Variants in RPTOR observed in about 807,000 individuals in gnomAD.
The protein encoded by RPTOR is regulatory associated protein of MTOR complex 1, also known as regulatory-associated protein of mTOR.
In RPTOR, 21 loss-of-function variants were observed where a neutral mutation model predicts 169.9. The observed-to-expected ratio is 0.12, with a 90% confidence interval of 0.09 to 0.18. The LOEUF is 0.18. Ranked by LOEUF, RPTOR falls within the 10% of genes least tolerant of loss-of-function variation. RPTOR has a pLI of 1.00. For missense variants in RPTOR, 1,133 were observed against 1,855.9 expected (o/e 0.61, Z 7.16); for synonymous variants, 732 against 753.2 (o/e 0.97, Z 0.46).
chr17:80,703,106 G>A (rs994513797), intron 3 of RPTOR, among the ~76,000 whole-genome samples: 3 of 152,116 alleles, frequency 2.0e-5, no homozygotes, highest in African/African-American at 4.8e-5. Context: ...ATTTTGGGGT[G>A]CCTTATCTTT....
chr17:80,675,032 G>C (rs1013983648), intron 3 of RPTOR, among the ~76,000 whole-genome samples: 3 of 152,186 alleles, frequency 2.0e-5, no homozygotes, highest in Non-Finnish European at 4.4e-5. Context: ...GTGAGAAGCT[G>C]TGAGAGTGTT....
At chr17:80,839,851 T>A (rs1279559585) in intron 10 of RPTOR, among the ~76,000 whole-genome samples, 1 of 152,318 alleles carries the variant, frequency 6.6e-6, no homozygotes, top group East Asian at 1.9e-4. Context: ...ATACTTAGGT[T>A]TCTGTGCCAG....
intron 20 of RPTOR, among the ~76,000 whole-genome samples, chr17:80,906,419 C>T (rs1598393465): frequency 6.6e-6 from 1 of 152,342 alleles, no homozygotes; most frequent in East Asian, 1.9e-4. Context: ...GGTTCTGTCC[C>T]AGTACACGCG....
At chr17:80,704,659 T>C (rs1473978778) in intron 3 of RPTOR, among the ~76,000 whole-genome samples, 1 of 152,250 alleles carries the variant, frequency 6.6e-6, no homozygotes, top group Non-Finnish European at 1.5e-5. Flanking sequence ...TTAATAATTA[T>C]TGTAATTACT....
At chr17:80,588,288 GAGT>G (rs980212704) in intron 1 of RPTOR, among the ~76,000 whole-genome samples, 2 of 151,634 alleles carry the variant, frequency 1.3e-5, no homozygotes, top group African/African-American at 4.9e-5. Context: ...TCAGTCTCCT[GAGT>G]AGCTGGGATT....
intron 13 of RPTOR, among the ~76,000 whole-genome samples, chr17:80,864,078 AT>A (rs1168961774): frequency 1.3e-5 from 2 of 152,260 alleles, no homozygotes; most frequent in East Asian, 3.8e-4. Flanking sequence ...CAGAAAAAGT[AT>A]TTGAAGAAAC....
In RPTOR at chr17:80,962,452, T is replaced by C; in HGVS notation, c.3693-9T>C. The C allele has an allele frequency of 6.2e-7, 1 of 1,611,432 alleles. No individual in the cohort carries two copies. The highest frequency in any genetic ancestry group is 8.5e-7 in the Non-Finnish European group (1 of 1,177,988). ...GGGAGGAGGTGTCACTGTGACCCTC[T>C]CTTGGCAGCGTCAATGGAGATGTGC... On this transcript the variant is annotated splice_polypyrimidine_tract_variant and intron_variant, in intron 31 of 33. Coordinates refer to ENST00000306801, the MANE Select transcript of RPTOR (RefSeq NM_020761.3).
intron 6 of RPTOR, among the ~76,000 whole-genome samples, chr17:80,762,346 A>T (rs142803240): frequency 2.9e-4 from 44 of 152,264 alleles, no homozygotes; most frequent in African/African-American, 1.1e-3. Context: ...TGGTCCCTTG[A>T]GATGGCTGAG....
intron 1 of RPTOR, among the ~76,000 whole-genome samples, chr17:80,560,299 G>C (rs1018292873): frequency 1.3e-5 from 2 of 152,198 alleles, no homozygotes; most frequent in African/African-American, 4.8e-5. Flanking sequence ...TGCGGGAGCA[G>C]GGCGGAGGAT....
intron 7 of RPTOR, among the ~76,000 whole-genome samples, chr17:80,814,339 A>G (rs1374117577): frequency 2.0e-5 from 3 of 152,212 alleles, no homozygotes; most frequent in Non-Finnish European, 4.4e-5. Context: ...TGCCGGGATA[A>G]CCATTATTAA....
At chr17:80,690,579 C>A (rs2065982975) in intron 3 of RPTOR, among the ~76,000 whole-genome samples, 2 of 151,662 alleles carry the variant, frequency 1.3e-5, no homozygotes, top group Non-Finnish European at 2.9e-5. Context: ...TCCCCCCTTG[C>A]CCTGGGTGAG....
intron 2 of RPTOR, among the ~76,000 whole-genome samples, chr17:80,637,019 A>T (rs937767080): frequency 6.6e-6 from 1 of 152,120 alleles, no homozygotes; most frequent in Non-Finnish European, 1.5e-5. Flanking sequence ...TAAACATCCA[A>T]TATGCAGGTA....
chr17:80,687,174 G>C (rs1364720946), intron 3 of RPTOR, among the ~76,000 whole-genome samples: 1 of 152,214 alleles, frequency 6.6e-6, no homozygotes, highest in East Asian at 1.9e-4. Flanking sequence ...TCTCTGCCGA[G>C]AGTTCTGTCC....
At chr17:80,712,804 G>T (rs1404158710) in intron 4 of RPTOR, among the ~76,000 whole-genome samples, 1 of 152,170 alleles carries the variant, frequency 6.6e-6, no homozygotes, top group African/African-American at 2.4e-5. Flanking sequence ...GAGAGTATCT[G>T]TTGCTCCACA....
chr17:80,782,746 T>C (rs1488158198), intron 6 of RPTOR, among the ~76,000 whole-genome samples: 1 of 152,214 alleles, frequency 6.6e-6, no homozygotes, highest in African/African-American at 2.4e-5. Flanking sequence ...ACTCCAGTCC[T>C]CTGTGGCTGT....
chr17:80,547,947 T>A (rs1225769061), intron 1 of RPTOR, among the ~76,000 whole-genome samples: 1 of 152,134 alleles, frequency 6.6e-6, no homozygotes, highest in Non-Finnish European at 1.5e-5. Context: ...TCTCTCTTTG[T>A]CTTTGAGAAG....
intron 4 of RPTOR, among the ~76,000 whole-genome samples, chr17:80,723,902 AC>A (rs2066308087): frequency 6.6e-6 from 1 of 151,406 alleles, no homozygotes; most frequent in Non-Finnish European, 1.5e-5. Context: ...TCTCTGTAAT[AC>A]AATTTTTGCA....
At chr17:80,822,095 C>A in intron 7 of RPTOR, 106 bp from the exon 8 acceptor site, 1 of 972,864 alleles carries the variant, frequency 1.0e-6, no homozygotes, top group Non-Finnish European at 1.6e-6. Context: ...CTTCCTCCCT[C>A]GCTCAGAGCC....
chr17:80,697,928 AT>A (rs11299266), intron 3 of RPTOR, among the ~76,000 whole-genome samples: 103,225 of 151,894 alleles, frequency 0.68, 35,976 homozygotes, highest in African/African-American at 0.84. Context: ...AGAGGGACAC[AT>A]TCCTGTGACC....
Sources: gnomAD v4.1 joint callset for allele counts (sites outside exome capture counted in the v4.1 genomes callset) on GRCh38, gnomAD v4.1.1 for gene constraint, MANE v1.5 for transcripts, NCBI Gene and HGNC (gene_info 2026-07-23, HGNC 2026-07-21) for gene names.